The following NBPF20 variants were observed in gnomAD, a reference collection of about 807,000 sequenced individuals.
NBPF20 encodes NBPF family member NBPF20.
In NBPF20, 90 loss-of-function variants were observed where a neutral mutation model predicts 68.1. The observed-to-expected ratio is 1.32, with a 90% CI of 1.11 to 1.58. NBPF20 has a LOEUF of 1.58. Among genes scored for constraint, NBPF20 ranks in the 40% most tolerant of loss-of-function variants. NBPF20 has a pLI of 0.00. For synonymous variants in NBPF20, 290 were observed against 228.1 expected, an observed-to-expected ratio of 1.27 and a Z score of -2.45; for missense variants, 816 against 601.2, an observed-to-expected ratio of 1.36 and a Z score of -3.74.
the NBPF20 span, among the ~76,000 whole-genome samples, chr1:145,425,204 C>A: frequency 6.6e-6 from 1 of 152,150 alleles, no homozygotes; most frequent in African/African-American, 2.4e-5. Flanking sequence ...TAAGCCCCGG[C>A]GGGGCCGGAA....
chr1:145,402,457 T>G, intron 3 of NBPF20, 76 bp from the exon 9 acceptor site: 1 of 1,539,110 alleles, frequency 6.5e-7, no homozygotes, highest in South Asian at 1.1e-5. Flanking sequence ...CAGAGATTTC[T>G]GAGATAATGT....
At chr1:145,412,922 TC>T in the NBPF20 span, among the ~76,000 whole-genome samples, 1 of 114,218 alleles carries the variant, frequency 8.8e-6, no homozygotes, top group Non-Finnish European at 1.8e-5. Flanking sequence ...TTTATTTACC[TC>T]CCCAGAGGAA....
At chr1:145,290,564 AC>A (rs1661002107) in exon 138 of NBPF20, 1 of 150,748 alleles carries the variant, frequency 6.6e-6, no homozygotes, top group Admixed American at 6.6e-5. Flanking sequence ...CATGACAACA[AC>A]AAAAAGATGA....
At chr1:145,394,759 G>A (rs1553663360) in intron 8 of NBPF20, among the ~76,000 whole-genome samples, 20 of 152,116 alleles carry the variant, frequency 1.3e-4, no homozygotes, top group East Asian at 1.9e-4. Flanking sequence ...AGGTTGGCAC[G>A]GGCATGGCCT....
exon 138 of NBPF20, chr1:145,291,647 A>G: frequency 1.2e-6 from 2 of 1,611,974 alleles, no homozygotes; most frequent in Non-Finnish European, 1.7e-6. Flanking sequence ...TGAGTAAAAC[A>G]CACTTCTGTA....
intron 13 of NBPF20, among the ~76,000 whole-genome samples, chr1:145,390,343 C>A (rs61810214): frequency 1.6e-5 from 1 of 63,666 alleles, no homozygotes; most frequent in African/African-American, 1.1e-4. Context: ...CACACACACA[C>A]AGACACACAC....
intron 6 of NBPF20, 121 bp downstream of exon 11, chr1:145,400,268 T>C (rs1249016115): frequency 5.7e-6 from 9 of 1,587,458 alleles, no homozygotes; most frequent in Non-Finnish European, 7.7e-6. Flanking sequence ...GTCCCTGATA[T>C]CTGTTTAGAA....
chr1:145,342,786 C>A (rs1242913278), intron 73 of NBPF20, among the ~76,000 whole-genome samples: 1 of 116,540 alleles, frequency 8.6e-6, no homozygotes, highest in Admixed American at 8.9e-5. Flanking sequence ...CACACACACA[C>A]ACACACACAG....
upstream of NBPF20, among the ~76,000 whole-genome samples, chr1:145,410,291 A>G (rs587731872): frequency 1.3e-4 from 20 of 149,732 alleles, no homozygotes; most frequent in East Asian, 3.5e-3. Flanking sequence ...ATCTTTTCCT[A>G]TGCTAATTGA....
intron 7 of NBPF20, among the ~76,000 whole-genome samples, chr1:145,397,752 A>G (rs1662328006): frequency 6.6e-6 from 1 of 152,216 alleles, no homozygotes; most frequent in African/African-American, 2.4e-5. Flanking sequence ...CTTAAATGTA[A>G]ATGGGCTAAA....
chr1:145,410,315 TTC>T (rs1179122234), upstream of NBPF20, among the ~76,000 whole-genome samples: 7 of 151,072 alleles, frequency 4.6e-5, no homozygotes, highest in South Asian at 2.1e-4. Flanking sequence ...TTCATGTATC[TTC>T]TTTTTTTTTT....
chr1:145,396,720 T>G (rs1662261675), intron 7 of NBPF20, among the ~76,000 whole-genome samples: 1 of 144,646 alleles, frequency 6.9e-6, no homozygotes, highest in African/African-American at 2.8e-5. Context: ...TTTTTCCATA[T>G]GTATAGTTTT....
intron 29 of NBPF20, 123 bp downstream of exon 34, chr1:145,377,920 A>T (rs1461384670): frequency 1.8e-5 from 7 of 379,370 alleles, no homozygotes; most frequent in Non-Finnish European, 3.2e-5. Flanking sequence ...ACCAACAGCA[A>T]TGTCAGGAGG....
At chr1:145,291,350 T>A in exon 138 of NBPF20, 1 of 1,365,870 alleles carries the variant, frequency 7.3e-7, no homozygotes, top group Non-Finnish European at 1.0e-6. Flanking sequence ...GTGGGTCCAT[T>A]GTCTTCAGAC....
chr1:145,403,209 C>A lies in NBPF20; in HGVS notation c.278+7G>T. ...CCCCCCTGCCTGCCACCATGGGGTC[C>A]CCTCACCTGAGCTCCTCAGCTTGCT... is the stretch of plus-strand genomic sequence containing the variant. On this transcript the variant is annotated splice_region_variant and intron_variant, in intron 3 of 137. Coordinates refer to ENST00000369373, the Ensembl canonical transcript of NBPF20. 5.0e-6 allele frequency: 8 copies of A among 1,612,378 alleles called. No homozygotes were observed. Among genetic ancestry groups the A allele is most frequent in the Non-Finnish European group, 6.8e-6 (8 of 1,179,998 alleles).
intron 3 of NBPF20, among the ~76,000 whole-genome samples, chr1:145,402,970 T>C (rs1662596143): frequency 6.6e-6 from 1 of 151,816 alleles, no homozygotes; most frequent in African/African-American, 2.4e-5. Context: ...TTTTGTGTTA[T>C]GTAAATTTCA....
intron 136 of NBPF20, among the ~76,000 whole-genome samples, chr1:145,292,766 T>C (rs1296590669): frequency 1.7e-5 from 2 of 116,072 alleles, no homozygotes; most frequent in Non-Finnish European, 3.4e-5. Context: ...ATTTTTCCAA[T>C]CAACTTAAAG....
chr1:145,314,201 G>GACACACAC (rs1165363505), intron 109 of NBPF20, among the ~76,000 whole-genome samples, 197 bp from the exon 115 acceptor site: 1 of 126,902 alleles, frequency 7.9e-6, no homozygotes. Flanking sequence ...AAGACAGATA[G>GACACACAC]ACACACACAC....
In NBPF20 at chr1:145,338,084, C is replaced by G. The variant is rs1207315916; in HGVS notation, c.9546-275G>C. The stretch of plus-strand genomic sequence containing the variant: ...AGAGAGAACGAGCTCAGTGAATTGT[C>G]CAGGTGACACACTGATGAGGGAGTA... On this transcript the variant is annotated intron_variant, in intron 79 of 137. Transcript: ENST00000369373. 2.5e-3 allele frequency among the ~76,000 whole-genome samples: 184 copies of G among 72,990 alleles called. 1 individual carries two copies. The highest frequency in any genetic ancestry group is 7.8e-3 in the African/African-American group (137 of 17,560). 47.9% of individuals were successfully genotyped at this position (72,990 alleles called of 152,430 possible).
Sources: gnomAD v4.1 joint callset for allele counts (sites outside exome capture counted in the v4.1 genomes callset) on GRCh38, gnomAD v4.1.1 for gene constraint, MANE v1.5 for transcripts, NCBI Gene and HGNC (gene_info 2026-07-23, HGNC 2026-07-21) for gene names.